KIAA1671: variants seen among roughly 807,000 people sequenced by gnomAD.
The protein encoded by KIAA1671 is KIAA1671.
In KIAA1671, 52 loss-of-function variants were observed where a neutral mutation model predicts 131.2. That is an observed-to-expected ratio of 0.40 (90% CI 0.32 to 0.50). The LOEUF (loss-of-function observed/expected upper bound fraction) is 0.50, where lower values mean the gene tolerates loss of function less well. KIAA1671 is among the 20% of genes least tolerant of loss of function. KIAA1671 has a pLI of 0.73. For synonymous variants in KIAA1671, 1,003 were observed against 961.6 expected (o/e 1.04, Z -0.80); for missense variants, 2,360 against 2,364.2 (o/e 1.00, Z 0.04).
At chr22:25,081,112 A>G (rs1929383214) in intron 6 of KIAA1671, among the ~76,000 whole-genome samples, 1 of 152,216 alleles carries the variant, frequency 6.6e-6, no homozygotes, top group South Asian at 2.1e-4. Flanking sequence ...GGAGGGCTGG[A>G]CATGTGGGCA....
chr22:25,081,080 G>A (rs543490208), intron 6 of KIAA1671, among the ~76,000 whole-genome samples: 5 of 152,284 alleles, frequency 3.3e-5, no homozygotes, highest in African/African-American at 7.2e-5. Context: ...GAAAGGAACC[G>A]TAAATGCAAG....
chr22:24,993,620 T>C (rs1923958380), intron 1 of KIAA1671, among the ~76,000 whole-genome samples: 1 of 152,226 alleles, frequency 6.6e-6, no homozygotes, highest in African/African-American at 2.4e-5. Flanking sequence ...TCTTGGTGCA[T>C]GGCTTATCCA....
intron 1 of KIAA1671, among the ~76,000 whole-genome samples, chr22:24,977,506 A>G (rs961681488): frequency 6.6e-6 from 1 of 152,174 alleles, no homozygotes; most frequent in Non-Finnish European, 1.5e-5. Flanking sequence ...TGTGAGTCCA[A>G]ACAGAAAGGC....
chr22:25,007,630 T>A (rs1466045917), intron 1 of KIAA1671, among the ~76,000 whole-genome samples: 2 of 152,118 alleles, frequency 1.3e-5, no homozygotes, highest in East Asian at 3.9e-4. Context: ...ATAAGACATG[T>A]CCACCAGTGC....
At chr22:25,179,161 A>C in intron 9 of KIAA1671, 3 of 850,784 alleles carry the variant, frequency 3.5e-6, no homozygotes, top group Non-Finnish European at 1.9e-6. Flanking sequence ...AGGACAGGGC[A>C]GGGCGGCTGA....
chr22:25,093,400 C>T (rs994987754), intron 6 of KIAA1671, among the ~76,000 whole-genome samples: 1 of 152,128 alleles, frequency 6.6e-6, no homozygotes, highest in Non-Finnish European at 1.5e-5. Flanking sequence ...CTATAGAGTG[C>T]CTAGCACTGT....
Position 25,000,492 on chromosome 22 carries a change from C to CTT in KIAA1671, c.-207-25124_-207-25123dup, listed in dbSNP as rs932233451. ...ACAGGCGTGAGCCACCGCGCCCGGC[C>CTT]TTTTTTTTTTTTTTTTTTAAATGTA... On this transcript the variant is annotated intron_variant, in intron 1 of 12. Coordinates refer to ENST00000358431, the MANE Select transcript of KIAA1671 (RefSeq NM_001145206.2). Among the ~76,000 whole-genome samples the CTT allele has an allele frequency of 2.2e-4, 11 of 49,656 alleles. 1 individual carries two copies. Among genetic ancestry groups the CTT allele is most frequent in the South Asian group, 6.9e-4 (1 of 1,456 alleles). 32.6% of individuals were successfully genotyped at this position (49,656 alleles called of 152,430 possible). A position where few individuals can be genotyped will look rare whatever the true frequency, so the allele number is the denominator to read the frequency against.
chr22:25,053,708 A>AGT (rs1927673653), intron 6 of KIAA1671: 1 of 152,328 alleles, frequency 6.6e-6, no homozygotes, highest in South Asian at 2.1e-4. Flanking sequence ...AGGTGCAGGA[A>AGT]GTAGGAGGGG....
intron 6 of KIAA1671, among the ~76,000 whole-genome samples, chr22:25,073,555 C>G (rs938911341): frequency 6.6e-6 from 1 of 152,210 alleles, no homozygotes. Flanking sequence ...GATCTACTCT[C>G]TCAACAAATT....
intron 1 of KIAA1671, chr22:25,023,784 A>T (rs1925796091): frequency 6.6e-6 from 1 of 152,128 alleles, no homozygotes; most frequent in African/African-American, 2.4e-5. Context: ...GTCTCTACCA[A>T]AAATATAAAA....
At chr22:25,012,985 C>T (rs1217476820) in intron 1 of KIAA1671, 1 of 152,262 alleles carries the variant, frequency 6.6e-6, no homozygotes, top group Non-Finnish European at 1.5e-5. Flanking sequence ...TATCCTGTGC[C>T]AGGCACTGAC....
chr22:25,189,497 C>T (rs1462678566), intron 11 of KIAA1671, among the ~76,000 whole-genome samples: 1 of 152,168 alleles, frequency 6.6e-6, no homozygotes, highest in Non-Finnish European at 1.5e-5. Flanking sequence ...CTATTCAGGC[C>T]TTCAACTGAG....
intron 4 of KIAA1671, among the ~76,000 whole-genome samples, chr22:25,037,407 T>A (rs916190475): frequency 4.6e-5 from 7 of 151,638 alleles, no homozygotes; most frequent in Non-Finnish European, 1.0e-4. Flanking sequence ...TATGTATATA[T>A]GTGTGTATAT....
chr22:24,999,888 C>CTTTG (rs1361704382), intron 1 of KIAA1671, among the ~76,000 whole-genome samples: 1 of 149,024 alleles, frequency 6.7e-6, no homozygotes, highest in South Asian at 2.1e-4. Context: ...CATTTATGTG[C>CTTTG]TTTGTTTGTT....
intron 6 of KIAA1671, among the ~76,000 whole-genome samples, chr22:25,073,531 G>C (rs1188742694): frequency 6.6e-6 from 1 of 150,622 alleles, no homozygotes; most frequent in African/African-American, 2.4e-5. Context: ...TTATAGACTG[G>C]TAAGAGCACC....
At chr22:25,171,310 G>A (rs530826676) in intron 7 of KIAA1671, among the ~76,000 whole-genome samples, 21 of 152,192 alleles carry the variant, frequency 1.4e-4, no homozygotes, top group Non-Finnish European at 2.8e-4. Context: ...TGAGGCAGGA[G>A]AATCAATCAC....
chr22:24,982,185 T>C (rs1294290458), intron 1 of KIAA1671, among the ~76,000 whole-genome samples: 1 of 152,226 alleles, frequency 6.6e-6, no homozygotes, highest in Non-Finnish European at 1.5e-5. Flanking sequence ...CAAATAATTC[T>C]ATGTATTATT....
At chr22:25,054,141 C>T (rs1258858955) in intron 6 of KIAA1671, 3 of 130,938 alleles carry the variant, frequency 2.3e-5, no homozygotes, top group African/African-American at 5.3e-5. Context: ...ATCCCAGCTA[C>T]TCAGGAGGCT....
chr22:25,100,703 T>C (rs1262443432), intron 6 of KIAA1671, among the ~76,000 whole-genome samples: 1 of 152,228 alleles, frequency 6.6e-6, no homozygotes, highest in Non-Finnish European at 1.5e-5. Flanking sequence ...CCTTGGTGAA[T>C]GACAGCTACT....
Sources: gnomAD v4.1 joint callset for allele counts (sites outside exome capture counted in the v4.1 genomes callset) on GRCh38, gnomAD v4.1.1 for gene constraint, MANE v1.5 for transcripts, NCBI Gene and HGNC (gene_info 2026-07-23, HGNC 2026-07-21) for gene names.